TCF12: variants seen among roughly 807,000 people sequenced by gnomAD.
TCF12 encodes the protein DNA-binding protein HTF4.
Under a neutral mutation model 86.0 loss-of-function variants are expected in TCF12, and 45 were observed. That is an observed-to-expected ratio of 0.52 (90% CI 0.41 to 0.67). The LOEUF is 0.67. Among genes scored for constraint, TCF12 ranks in the 30% least tolerant of loss-of-function variants. The pLI is 0.00. For missense variants in TCF12, 881 were observed against 859.9 expected (o/e 1.02, Z -0.31); for synonymous variants, 330 against 299.6 (o/e 1.10, Z -1.05).
chr15:57,265,068 A>AGT (rs2060789100), intron 18 of TCF12, among the ~76,000 whole-genome samples: 2 of 139,690 alleles, frequency 1.4e-5, no homozygotes, highest in South Asian at 2.4e-4. Flanking sequence ...TCTAATGATA[A>AGT]ATAGTATAGT....
intron 5 of TCF12, among the ~76,000 whole-genome samples, chr15:57,136,926 C>T (rs1245120938): frequency 7.1e-6 from 1 of 140,422 alleles, no homozygotes; most frequent in Admixed American, 7.2e-5. Flanking sequence ...GCTGGAATCA[C>T]AGACAATAGA....
chr15:57,115,323 T>C (rs1181729158), intron 5 of TCF12, among the ~76,000 whole-genome samples: 2 of 152,240 alleles, frequency 1.3e-5, no homozygotes, highest in Admixed American at 6.5e-5. Context: ...TTAGTCCTGA[T>C]GTTAGCTTCT....
intron 5 of TCF12, among the ~76,000 whole-genome samples, chr15:57,110,218 T>TA (rs1297887394): frequency 1.3e-5 from 2 of 152,220 alleles, no homozygotes; most frequent in African/African-American, 4.8e-5. Context: ...AAGAAAGATT[T>TA]AATTAATGTG....
In TCF12 at chr15:57,286,454, C is replaced by G. The variant is rs1244803914; in HGVS notation, c.*309C>G. 8.4e-6 allele frequency: 3 copies of G among 357,590 alleles called. No individual in the cohort carries two copies. Among genetic ancestry groups the G allele is most frequent in the Non-Finnish European group, 1.1e-5 (2 of 180,562 alleles). 22.2% of individuals were successfully genotyped at this position (357,590 alleles called of 1,614,324 possible). A position where few individuals can be genotyped will look rare whatever the true frequency, so the allele number is the denominator to read the frequency against. ...AGACTGTCTCGATCTCTCCACTCAC[C>G]GTGGAAGTTGCCTTGTGCCTAAACT... On this transcript the variant is annotated 3_prime_UTR_variant, in exon 21 of 21. Coordinates refer to ENST00000333725, the MANE Select transcript of TCF12 (RefSeq NM_207037.2).
intron 3 of TCF12, among the ~76,000 whole-genome samples, chr15:56,966,159 A>G (rs933698331): frequency 3.3e-5 from 5 of 152,148 alleles, no homozygotes; most frequent in African/African-American, 1.2e-4. Flanking sequence ...CTTATTAACT[A>G]TAGTTATTTC....
chr15:57,291,251 T>A (rs1312982505), downstream of TCF12: 1 of 152,266 alleles, frequency 6.6e-6, no homozygotes, highest in African/African-American at 2.4e-5. Context: ...TCCCCCCACA[T>A]ACTTTCAATC....
intron 3 of TCF12, among the ~76,000 whole-genome samples, chr15:57,037,243 G>A (rs1321273842): frequency 2.6e-5 from 4 of 152,138 alleles, no homozygotes; most frequent in African/African-American, 7.2e-5. Context: ...GAGGTCAGGA[G>A]TTCGAGATTA....
chr15:56,945,878 A>G lies in TCF12; in HGVS notation c.148+24780A>G, dbSNP rs528664333. Among the ~76,000 whole-genome samples the G allele has an allele frequency of 2.8e-4, 43 of 152,270 alleles. 1 individual carries two copies. In the East Asian group the frequency reaches 7.5e-3, roughly 27 times the overall value. Reference sequence around the variant, plus strand: ...TTGTTACCTCAAGAATGAGTTATAAAAGTGGGTTTGGCCCTCTCTGTCTCT... The same window carrying G: ...TTGTTACCTCAAGAATGAGTTATAAGAGTGGGTTTGGCCCTCTCTGTCTCT... On this transcript the variant is annotated intron_variant, in intron 3 of 20. Coordinates refer to ENST00000333725, the MANE Select transcript of TCF12 (RefSeq NM_207037.2).
At chr15:56,989,985 A>G (rs1394573327) in intron 3 of TCF12, among the ~76,000 whole-genome samples, 1 of 152,126 alleles carries the variant, frequency 6.6e-6, no homozygotes, top group Non-Finnish European at 1.5e-5. Flanking sequence ...TGTGTAAACA[A>G]ATGAAGATTA....
At chr15:57,096,857 A>G (rs1451037815) in intron 5 of TCF12, among the ~76,000 whole-genome samples, 1 of 152,202 alleles carries the variant, frequency 6.6e-6, no homozygotes, top group Non-Finnish European at 1.5e-5. Context: ...TAATTGCTCA[A>G]GTATATTACT....
intron 3 of TCF12, among the ~76,000 whole-genome samples, chr15:57,007,014 G>C (rs1252389597): frequency 1.3e-5 from 2 of 152,136 alleles, no homozygotes; most frequent in Admixed American, 6.5e-5. Flanking sequence ...TTTTAGGTAA[G>C]TACTTTGAGG....
chr15:57,083,749 T>C (rs1451132936), intron 4 of TCF12, among the ~76,000 whole-genome samples: 1 of 152,116 alleles, frequency 6.6e-6, no homozygotes, highest in African/African-American at 2.4e-5. Flanking sequence ...CATATCTGGC[T>C]GATTTTCTTG....
intron 8 of TCF12, among the ~76,000 whole-genome samples, chr15:57,209,357 C>G (rs1455664380): frequency 2.0e-5 from 3 of 152,140 alleles, no homozygotes; most frequent in African/African-American, 7.2e-5. Flanking sequence ...ACAGGTAATT[C>G]AGCCATCAGC....
At chr15:57,285,326 T>C (rs1314841586) in intron 20 of TCF12, among the ~76,000 whole-genome samples, 4 of 152,234 alleles carry the variant, frequency 2.6e-5, no homozygotes, top group African/African-American at 7.2e-5. Context: ...GTAAAAGTTA[T>C]GATTCTATCT....
At chr15:57,068,948 T>C (rs767122392) in intron 4 of TCF12, among the ~76,000 whole-genome samples, 1 of 152,212 alleles carries the variant, frequency 6.6e-6, no homozygotes, top group African/African-American at 2.4e-5. Context: ...TATTGTTATT[T>C]ATAATAATTT....
chr15:57,069,151 G>T (rs2069155141), intron 4 of TCF12, among the ~76,000 whole-genome samples: 1 of 152,100 alleles, frequency 6.6e-6, no homozygotes, highest in South Asian at 2.1e-4. Flanking sequence ...CCTGGGGTGG[G>T]AGTAGGAGAG....
intron 5 of TCF12, among the ~76,000 whole-genome samples, chr15:57,155,564 G>A (rs2054057480): frequency 6.6e-6 from 1 of 152,168 alleles, no homozygotes; most frequent in Non-Finnish European, 1.5e-5. Flanking sequence ...AGAGACTGAG[G>A]TGGGAGGCTG....
At chr15:57,251,517 C>A in intron 14 of TCF12, 94 bp downstream of exon 14, 2 of 1,177,182 alleles carry the variant, frequency 1.7e-6, no homozygotes, top group Non-Finnish European at 2.5e-6. Flanking sequence ...AGTAGGCTAG[C>A]ATTGCACATG....
chr15:57,166,494 G>T, intron 6 of TCF12, 28 bp downstream of exon 6: 1 of 1,594,114 alleles, frequency 6.3e-7, no homozygotes. Flanking sequence ...AAAAAGCAAT[G>T]AGATGGTTTT....
Sources: allele counts gnomAD v4.1 joint callset (sites outside exome capture counted in the v4.1 genomes callset), GRCh38; gene constraint gnomAD v4.1.1; transcripts MANE v1.5; gene names NCBI Gene and HGNC (gene_info 2026-07-23, HGNC 2026-07-21).